Variants in SAMSN1 observed in about 807,000 individuals in gnomAD.
The protein encoded by SAMSN1 is SAM domain-containing protein SAMSN-1.
In SAMSN1, 31 loss-of-function variants were observed where a neutral mutation model predicts 42.0. That is an observed-to-expected ratio of 0.74 (90% CI 0.55 to 1.00). The LOEUF (loss-of-function observed/expected upper bound fraction) is 1.00, where lower values mean the gene tolerates loss of function less well. Among genes scored for constraint, SAMSN1 ranks in the 50% least tolerant of loss-of-function variants. SAMSN1 has a pLI of 0.00. For missense variants in SAMSN1, 464 were observed against 439.4 expected (o/e 1.06, Z -0.50); for synonymous variants, 178 against 151.9 (o/e 1.17, Z -1.26).
At chr21:14,640,374 G>A (rs455821) in intron 2 of SAMSN1, among the ~76,000 whole-genome samples, 116,747 of 152,002 alleles carry the variant, frequency 0.77, 45,341 homozygotes, top group Middle Eastern at 0.89. Context: ...ACAAATACCC[G>A]GATTGAGGAC....
chr21:14,487,357 ATATC>A (rs1334754941), intron 7 of SAMSN1, among the ~76,000 whole-genome samples: 4 of 120,308 alleles, frequency 3.3e-5, no homozygotes, highest in South Asian at 2.6e-4. Flanking sequence ...TTATATATAT[ATATC>A]TATCTTCTTT....
At chr21:14,530,425 G>A (rs573013350) in intron 1 of SAMSN1, among the ~76,000 whole-genome samples, 2 of 151,816 alleles carry the variant, frequency 1.3e-5, no homozygotes, top group Non-Finnish European at 2.9e-5. Context: ...TGTATAAGAT[G>A]GATCACTGGA....
chr21:14,650,485 A>ATGAT (rs1276591417), intron 1 of SAMSN1, among the ~76,000 whole-genome samples: 1 of 152,102 alleles, frequency 6.6e-6, no homozygotes, highest in Non-Finnish European at 1.5e-5. Flanking sequence ...CTTGAAAGAA[A>ATGAT]TGATAACAGA....
chr21:14,605,811 T>TTG (rs2123310295), intron 5 of SAMSN1, among the ~76,000 whole-genome samples: 1 of 125,786 alleles, frequency 8.0e-6, no homozygotes, highest in African/African-American at 2.9e-5. Flanking sequence ...AAAGAAGATT[T>TTG]ATTTATTTAT....
upstream of SAMSN1, among the ~76,000 whole-genome samples, chr21:14,548,687 C>T (rs1285037738): frequency 1.3e-5 from 2 of 152,042 alleles, no homozygotes; most frequent in African/African-American, 4.8e-5. Flanking sequence ...AGGTCCCATT[C>T]ATTATCTAAC....
chr21:14,532,484 A>G (rs1161733431), intron 1 of SAMSN1, among the ~76,000 whole-genome samples: 1 of 152,186 alleles, frequency 6.6e-6, no homozygotes, highest in Non-Finnish European at 1.5e-5. Flanking sequence ...AACTATTTTT[A>G]TTGTCAATTA....
intron 1 of SAMSN1, among the ~76,000 whole-genome samples, chr21:14,535,076 T>C (rs1979519621): frequency 6.6e-6 from 1 of 152,102 alleles, no homozygotes; most frequent in Non-Finnish European, 1.5e-5. Context: ...AGTGGTCAGA[T>C]CATCAGGAAC....
rs139904025 is a variant in SAMSN1, at chr21:14,624,307, A to G, written c.157-8291T>C. ...AGAACTGAAGGAGATAGAGACACAA[A>G]AAACCCTTCAAAAAATCAATGAATG... On this transcript the variant is annotated intron_variant, in intron 2 of 15. Transcript: ENST00000647101. Among the ~76,000 whole-genome samples the G allele has an allele frequency of 2.4e-3, 364 of 152,328 alleles. 1 individual carries two copies. The highest frequency in any genetic ancestry group is 7.6e-3 in the African/African-American group (316 of 41,586).
chr21:14,654,849 GGAAA>G lies in SAMSN1; in HGVS notation c.24+3895_24+3898del, dbSNP rs1002932454. 7.3e-5 allele frequency among the ~76,000 whole-genome samples: 11 copies of G among 151,236 alleles called. No individual in the cohort carries two copies. The East Asian group carries it at 9.7e-4, about 13-fold the overall frequency. On this transcript the variant is annotated intron_variant, in intron 1 of 15. Coordinates refer to the SAMSN1 transcript ENST00000647101. ...TAGATAAAGCAAGGCGAAGAAGCCAGGAAAGAAAGAAAGAAAGAGAGAAAGAGAG... is the reference window on the plus strand; with the variant it reads ...TAGATAAAGCAAGGCGAAGAAGCCAGGAAAGAAAGAAAGAGAGAAAGAGAG...
chr21:14,605,060 C>T (rs887138951), intron 5 of SAMSN1, among the ~76,000 whole-genome samples: 5 of 152,194 alleles, frequency 3.3e-5, no homozygotes, highest in African/African-American at 7.2e-5. Context: ...TGCCATCCAG[C>T]ATAAAAATTG....
Position 14,559,664 on chromosome 21 carries a change from T to G in SAMSN1, c.261+22472A>C, listed in dbSNP as rs527651470. Among the ~76,000 whole-genome samples, 194 of 151,876 alleles carry G rather than the reference T, an allele frequency of 1.3e-3. 2 individuals are homozygous for G. Among genetic ancestry groups the G allele is most frequent in the South Asian group, 4.4e-3 (21 of 4,756 alleles). Reference sequence around the variant, plus strand: ...ACAGGTGTTGGCCACCATGCCTGTCTAATTTTTTTTTTTTCTTTTCTGCAG... The same window carrying G: ...ACAGGTGTTGGCCACCATGCCTGTCGAATTTTTTTTTTTTCTTTTCTGCAG... On this transcript the variant is annotated intron_variant, in intron 2 of 8. Coordinates refer to the SAMSN1 transcript ENST00000285670.
chr21:14,622,772 CCA>C, intron 2 of SAMSN1, among the ~76,000 whole-genome samples: 1 of 152,190 alleles, frequency 6.6e-6, no homozygotes. Flanking sequence ...ACAGAGAATG[CCA>C]CAAAGATACT....
chr21:14,658,849 C>T (rs1310058838), upstream of SAMSN1: 1 of 710,934 alleles, frequency 1.4e-6, no homozygotes, highest in Admixed American at 2.0e-5. Flanking sequence ...GCCTTCACAG[C>T]TGTTTGGCCA....
chr21:14,541,179 TA>T (rs1980001337), intron 1 of SAMSN1, among the ~76,000 whole-genome samples: 1 of 151,828 alleles, frequency 6.6e-6, no homozygotes, highest in Non-Finnish European at 1.5e-5. Flanking sequence ...ATACCTAATG[TA>T]AATGACGAGT....
At chr21:14,637,551 G>T (rs1311210095) in intron 2 of SAMSN1, among the ~76,000 whole-genome samples, 3 of 152,060 alleles carry the variant, frequency 2.0e-5, no homozygotes, top group African/African-American at 7.2e-5. Flanking sequence ...ATGGGGTTTG[G>T]GTATCTGTTT....
Position 14,642,126 on chromosome 21 carries a change from C to T in SAMSN1, c.156+876G>A, listed in dbSNP as rs142632019. 3.5e-3 allele frequency among the ~76,000 whole-genome samples: 538 copies of T among 152,082 alleles called. 2 individuals carry two copies. Among genetic ancestry groups the T allele is most frequent in the African/African-American group, 0.011 (467 of 41,492 alleles). On this transcript the variant is annotated intron_variant, in intron 2 of 15. Coordinates refer to the SAMSN1 transcript ENST00000647101. ...TTCACATTGAGTAGGCTGAGGAGGA[C>T]GAGGAATAGGAGCAGTTGTGGCGAA...
intron 1 of SAMSN1, among the ~76,000 whole-genome samples, chr21:14,526,632 C>A (rs1362786921): frequency 6.6e-6 from 1 of 152,142 alleles, no homozygotes; most frequent in Non-Finnish European, 1.5e-5. Context: ...ACTGTTGAAA[C>A]CAGAACTTGC....
At chr21:14,524,219 G>T (rs1031116160) in intron 1 of SAMSN1, among the ~76,000 whole-genome samples, 1 of 152,120 alleles carries the variant, frequency 6.6e-6, no homozygotes, top group Non-Finnish European at 1.5e-5. Flanking sequence ...GAATTATATG[G>T]AAACAAAGCT....
Position 14,515,965 on chromosome 21 carries a change from C to T in SAMSN1, c.279+927G>A, listed in dbSNP as rs903003866. Among the ~76,000 whole-genome samples the T allele has an allele frequency of 7.2e-5, 11 of 152,286 alleles. No homozygotes were observed. In the South Asian group the frequency reaches 1.0e-3, roughly 14 times the overall value. ...AAATCAAAATCACAATGAGATTCCACCTCACATCCACTAGGATGGCTAGTA... is the reference window on the plus strand; with the variant it reads ...AAATCAAAATCACAATGAGATTCCATCTCACATCCACTAGGATGGCTAGTA... On this transcript the variant is annotated intron_variant, in intron 3 of 7. Coordinates refer to ENST00000400566, the MANE Select transcript of SAMSN1 (RefSeq NM_022136.5).
Sources: allele counts gnomAD v4.1 joint callset (sites outside exome capture counted in the v4.1 genomes callset), GRCh38; gene constraint gnomAD v4.1.1; transcripts MANE v1.5; gene names NCBI Gene and HGNC (gene_info 2026-07-23, HGNC 2026-07-21).